The following MAGI1 variants were observed in gnomAD, a reference collection of about 807,000 sequenced individuals.
MAGI1 encodes the protein membrane associated guanylate kinase, WW and PDZ domain containing 1.
MAGI1 carries 58 observed loss-of-function variants against 139.9 expected under a neutral mutation model. The observed-to-expected ratio is 0.41, with a 90% CI of 0.34 to 0.52. The LOEUF (loss-of-function observed/expected upper bound fraction) is 0.52. Ranked by LOEUF, MAGI1 falls within the 20% of genes least tolerant of loss-of-function variation. The pLI, the probability that MAGI1 is intolerant of heterozygous loss-of-function variation, is 0.12. For missense variants in MAGI1, 1,874 were observed against 1,901.6 expected (o/e 0.99, Z 0.27); for synonymous variants, 812 against 737.9 (o/e 1.10, Z -1.63).
chr3:65,913,671 T>A (rs1329422490), intron 1 of MAGI1, among the ~76,000 whole-genome samples: 1 of 152,194 alleles, frequency 6.6e-6, no homozygotes, highest in Admixed American at 6.5e-5. Context: ...AACAAAGTAT[T>A]GGAATAAAAA....
At chr3:65,975,815 G>C (rs537783373) in intron 1 of MAGI1, among the ~76,000 whole-genome samples, 1 of 152,100 alleles carries the variant, frequency 6.6e-6, no homozygotes, top group Non-Finnish European at 1.5e-5. Context: ...TTCTCTGACC[G>C]TATCAAGCCT....
chr3:65,756,635 C>T (rs1057077584), intron 1 of MAGI1, among the ~76,000 whole-genome samples: 1 of 152,166 alleles, frequency 6.6e-6, no homozygotes, highest in African/African-American at 2.4e-5. Flanking sequence ...CCTTTGCCAA[C>T]TGTACACACT....
intron 1 of MAGI1, among the ~76,000 whole-genome samples, chr3:65,956,979 G>C (rs937368316): frequency 6.6e-6 from 1 of 152,046 alleles, no homozygotes; most frequent in Non-Finnish European, 1.5e-5. Flanking sequence ...TCCAGCCTGG[G>C]TGACAGAGTG....
intron 6 of MAGI1, 51 bp downstream of exon 6, chr3:65,453,205 CAT>C: frequency 1.3e-6 from 2 of 1,515,176 alleles, no homozygotes; most frequent in Middle Eastern, 1.7e-4. Flanking sequence ...AAAATTTGCA[CAT>C]GTGAACAGTG....
intron 10 of MAGI1, among the ~76,000 whole-genome samples, chr3:65,435,607 C>T (rs1051231207): frequency 1.3e-5 from 2 of 152,050 alleles, no homozygotes; most frequent in African/African-American, 4.8e-5. Flanking sequence ...AAACAAAAAA[C>T]AGAGAATCAT....
chr3:65,616,375 C>T (rs373517361), intron 2 of MAGI1, among the ~76,000 whole-genome samples: 6 of 152,114 alleles, frequency 3.9e-5, no homozygotes, highest in East Asian at 3.9e-4. Context: ...TTACATTATA[C>T]GCAACAAACA....
chr3:65,778,344 C>A (rs948204553), intron 1 of MAGI1, among the ~76,000 whole-genome samples: 2 of 150,336 alleles, frequency 1.3e-5, no homozygotes, highest in Admixed American at 1.3e-4. Context: ...GCAGGAGAAT[C>A]GCTTGAACCC....
intron 3 of MAGI1, among the ~76,000 whole-genome samples, chr3:65,492,464 G>A (rs942542714): frequency 1.3e-4 from 19 of 151,928 alleles, no homozygotes; most frequent in Admixed American, 6.6e-5. Flanking sequence ...AATAAATTAC[G>A]GTATGCCCAT....
At chr3:65,870,727 A>AG (rs1198630942) in intron 1 of MAGI1, among the ~76,000 whole-genome samples, 2 of 151,764 alleles carry the variant, frequency 1.3e-5, no homozygotes, top group African/African-American at 4.8e-5. Context: ...AAAAAAAAAA[A>AG]AAAGAAAGAA....
intron 2 of MAGI1, among the ~76,000 whole-genome samples, chr3:65,527,848 G>A (rs1379496984): frequency 6.6e-6 from 1 of 151,174 alleles, no homozygotes; most frequent in Non-Finnish European, 1.5e-5. Context: ...CCAGGAGGCA[G>A]AGGTTGCGAG....
intron 1 of MAGI1, among the ~76,000 whole-genome samples, chr3:65,996,745 A>G (rs1265038934): frequency 6.6e-6 from 1 of 152,198 alleles, no homozygotes; most frequent in East Asian, 1.9e-4. Flanking sequence ...TTGTGCTGGG[A>G]CAGCTGGGAC....
chr3:65,599,220 T>A (rs1157245980), intron 2 of MAGI1, among the ~76,000 whole-genome samples: 2 of 152,098 alleles, frequency 1.3e-5, no homozygotes, highest in Non-Finnish European at 2.9e-5. Context: ...AATGGGTGGA[T>A]CATAGGATGG....
At chr3:65,737,897 C>G (rs140726055) in intron 1 of MAGI1, among the ~76,000 whole-genome samples, 72 of 152,278 alleles carry the variant, frequency 4.7e-4, no homozygotes, top group African/African-American at 1.6e-3. Flanking sequence ...CACACACACA[C>G]GCCATTAGCG....
At chr3:65,589,558 C>A (rs553034736) in intron 2 of MAGI1, among the ~76,000 whole-genome samples, 3 of 152,126 alleles carry the variant, frequency 2.0e-5, no homozygotes, top group Non-Finnish European at 4.4e-5. Flanking sequence ...CCTTGTTGAC[C>A]CCCCCTGCAT....
chr3:65,508,391 G>T (rs796647707), intron 2 of MAGI1, among the ~76,000 whole-genome samples: 1 of 151,674 alleles, frequency 6.6e-6, no homozygotes, highest in Non-Finnish European at 1.5e-5. Context: ...GTGACAGAGT[G>T]AGACTCTGTC....
At chr3:65,457,715 C>T (rs939517821) in intron 5 of MAGI1, among the ~76,000 whole-genome samples, 10 of 152,100 alleles carry the variant, frequency 6.6e-5, no homozygotes, top group African/African-American at 2.4e-4. Context: ...GAAGATACTT[C>T]GATACAGACA....
intron 1 of MAGI1, among the ~76,000 whole-genome samples, chr3:65,761,663 A>G (rs1372970818): frequency 6.6e-6 from 1 of 152,188 alleles, no homozygotes; most frequent in Admixed American, 6.5e-5. Context: ...TCCATCAGCC[A>G]GCGGGTTCCT....
intron 12 of MAGI1, among the ~76,000 whole-genome samples, chr3:65,419,261 T>A (rs1028819190): frequency 3.2e-5 from 2 of 61,788 alleles, no homozygotes; most frequent in South Asian, 1.6e-3. Flanking sequence ...TATGAATGTG[T>A]TACAAATTGT....
intron 2 of MAGI1, among the ~76,000 whole-genome samples, chr3:65,586,514 T>C (rs1288986484): frequency 1.3e-5 from 2 of 152,138 alleles, no homozygotes; most frequent in Admixed American, 6.5e-5. Flanking sequence ...GAGCACTGCA[T>C]ACCAAAAAGA....
Sources: gnomAD v4.1 joint callset for allele counts (sites outside exome capture counted in the v4.1 genomes callset) on GRCh38, gnomAD v4.1.1 for gene constraint, MANE v1.5 for transcripts, NCBI Gene and HGNC (gene_info 2026-07-23, HGNC 2026-07-21) for gene names.